The following DNAH14 variants were observed in gnomAD, a reference collection of about 807,000 sequenced individuals.
DNAH14 encodes the protein dynein axonemal heavy chain 14.
A neutral mutation model predicts 520.9 loss-of-function variants in DNAH14; 478 were observed. That is an observed-to-expected ratio of 0.92 (90% confidence interval 0.85 to 0.99). DNAH14 has a LOEUF of 0.99. Ranked by LOEUF, DNAH14 falls within the 50% of genes least tolerant of loss-of-function variation. DNAH14 has a pLI of 0.00. For synonymous variants in DNAH14, 1,581 were observed against 1,757.2 expected, an observed-to-expected ratio of 0.90 and a Z score of 2.51; for missense variants, 4,831 against 5,234.5, an observed-to-expected ratio of 0.92 and a Z score of 2.38.
chr1:224,950,432 A>G (rs999917980), intron 1 of DNAH14, among the ~76,000 whole-genome samples: 4 of 152,060 alleles, frequency 2.6e-5, no homozygotes, highest in African/African-American at 7.2e-5. Context: ...TATTCTTTTT[A>G]TTTCCCTTAG....
intron 35 of DNAH14, among the ~76,000 whole-genome samples, chr1:225,166,873 T>C (rs900181910): frequency 6.6e-6 from 1 of 152,246 alleles, no homozygotes; most frequent in South Asian, 2.1e-4. Flanking sequence ...ATTATGATTT[T>C]ATTTCAAAAC....
At chr1:225,357,706 T>C in intron 73 of DNAH14, 1 of 682,456 alleles carries the variant, frequency 1.5e-6, no homozygotes, top group Non-Finnish European at 2.7e-6. Flanking sequence ...TTGCCAATAT[T>C]TGACAGTTTT....
chr1:225,314,041 T>TA (rs1313610114), intron 60 of DNAH14, among the ~76,000 whole-genome samples: 1 of 152,202 alleles, frequency 6.6e-6, no homozygotes, highest in Non-Finnish European at 1.5e-5. Context: ...AGTGGTATGT[T>TA]AAAATCTTCC....
intron 41 of DNAH14, among the ~76,000 whole-genome samples, chr1:225,218,769 G>A (rs1313097978): frequency 6.6e-6 from 1 of 152,090 alleles, no homozygotes; most frequent in African/African-American, 2.4e-5. Context: ...AAATTCACAA[G>A]GATATCCAGG....
chr1:225,141,504 A>T (rs542585566), intron 28 of DNAH14, among the ~76,000 whole-genome samples: 1 of 152,088 alleles, frequency 6.6e-6, no homozygotes, highest in East Asian at 1.9e-4. Context: ...CCTGAAACAT[A>T]TTCCATGCAG....
intron 61 of DNAH14, among the ~76,000 whole-genome samples, chr1:225,320,449 G>T (rs573405256): frequency 6.6e-6 from 1 of 152,120 alleles, no homozygotes; most frequent in Non-Finnish European, 1.5e-5. Flanking sequence ...AGTATGTCTT[G>T]TTTGTTGTTT....
At chr1:225,240,533 T>A in intron 42 of DNAH14, 60 bp from the exon 43 acceptor site, 1 of 1,020,344 alleles carries the variant, frequency 9.8e-7, no homozygotes. Context: ...AGTAAATTTC[T>A]ATTCTTAAAC....
At chr1:225,321,461 G>A (rs535053666) in intron 61 of DNAH14, among the ~76,000 whole-genome samples, 1 of 152,302 alleles carries the variant, frequency 6.6e-6, no homozygotes, top group East Asian at 1.9e-4. Context: ...TGAAATTCAA[G>A]GCAGAGGACC....
chr1:225,228,296 A>G (rs1173129087), intron 41 of DNAH14, among the ~76,000 whole-genome samples: 2 of 152,200 alleles, frequency 1.3e-5, no homozygotes. Context: ...AGATTCTTGC[A>G]TGCCTGCAAG....
chr1:225,304,841 T>G, intron 57 of DNAH14, 67 bp from the exon 58 acceptor site: 1 of 1,327,500 alleles, frequency 7.5e-7, no homozygotes, highest in Non-Finnish European at 1.0e-6. Flanking sequence ...TTCTAAGTGT[T>G]CAACTTTCTC....
At chr1:225,088,241 C>T (rs1414923023) in intron 21 of DNAH14, among the ~76,000 whole-genome samples, 1 of 152,014 alleles carries the variant, frequency 6.6e-6, no homozygotes, top group Admixed American at 6.5e-5. Flanking sequence ...TCTGAACTGA[C>T]ACAGTTATTA....
intron 8 of DNAH14, among the ~76,000 whole-genome samples, chr1:224,981,049 A>T (rs192036716): frequency 6.9e-6 from 1 of 144,732 alleles, no homozygotes; most frequent in Non-Finnish European, 1.5e-5. Context: ...GCATCTATTG[A>T]GATGATCATG....
chr1:225,040,672 T>G (rs2067397814), intron 12 of DNAH14, among the ~76,000 whole-genome samples: 1 of 152,204 alleles, frequency 6.6e-6, no homozygotes, highest in African/African-American at 2.4e-5. Flanking sequence ...CCTTGCACAT[T>G]CCTGTATATT....
intron 65 of DNAH14, among the ~76,000 whole-genome samples, chr1:225,332,433 C>T (rs1044226982): frequency 9.2e-5 from 14 of 152,036 alleles, no homozygotes; most frequent in East Asian, 5.8e-4. Context: ...CTTTATTTAT[C>T]GACCAATCAA....
chr1:224,970,666 C>A (rs1572140960), intron 7 of DNAH14, among the ~76,000 whole-genome samples: 1 of 152,042 alleles, frequency 6.6e-6, no homozygotes, highest in South Asian at 2.1e-4. Flanking sequence ...AGAAAAGAAC[C>A]TACGTGAAAT....
chr1:225,166,008 T>G (rs2082010636), intron 35 of DNAH14, among the ~76,000 whole-genome samples: 1 of 152,010 alleles, frequency 6.6e-6, no homozygotes, highest in South Asian at 2.1e-4. Context: ...AGATTTTGAT[T>G]TATATTTATA....
At chr1:225,269,414 C>G (rs2149818393) in intron 49 of DNAH14, among the ~76,000 whole-genome samples, 1 of 152,318 alleles carries the variant, frequency 6.6e-6, no homozygotes, top group Admixed American at 6.5e-5. Context: ...AGGACATAGG[C>G]ATGGCCAAGG....
At chr1:224,996,716 A>G (rs1202982617) in intron 8 of DNAH14, among the ~76,000 whole-genome samples, 1 of 152,094 alleles carries the variant, frequency 6.6e-6, no homozygotes, top group African/African-American at 2.4e-5. Context: ...GCCACAACAT[A>G]TATTCCCCTG....
In DNAH14 at chr1:225,273,091, G is replaced by A. The variant is rs1016758628; in HGVS notation, c.7976G>A (p.Arg2659Gln). 6 of 1,550,044 alleles carry A rather than the reference G, an allele frequency of 3.9e-6. No individual in the cohort carries two copies. Among genetic ancestry groups the A allele is most frequent in the Non-Finnish European group, 5.2e-6 (6 of 1,146,662 alleles). ...TTCACTGATAAAAGCCTTTTCTATC[G>A]GTTGCTTTCAAGGGAACTTGAGAAC... ...IDFTDKSLFY[R>Q]LLSRELENCF... The change falls in exon 52 of 86, where the codon CGG becomes CAG. Residue 2659 changes from arginine to glutamine, a missense_variant. By Grantham distance (43) the Arg-to-Gln change is conservative (BLOSUM62 1). Transcript: ENST00000682510.
Sources: gnomAD v4.1 joint callset for allele counts (sites outside exome capture counted in the v4.1 genomes callset) on GRCh38, gnomAD v4.1.1 for gene constraint, MANE v1.5 for transcripts, NCBI Gene and HGNC (gene_info 2026-07-23, HGNC 2026-07-21) for gene names.